SLC44A5: variants seen among roughly 807,000 people sequenced by gnomAD.
SLC44A5 encodes the protein solute carrier family 44 member 5.
A neutral mutation model predicts 101.8 loss-of-function variants in SLC44A5; 57 were observed. The ratio of observed to expected loss-of-function variants is 0.56; its 90% CI spans 0.45 to 0.70. SLC44A5 has a LOEUF of 0.70. SLC44A5 is among the 30% of genes least tolerant of loss of function. The pLI, the probability that SLC44A5 is intolerant of heterozygous loss-of-function variation, is 0.00. For missense variants in SLC44A5, 737 were observed against 853.1 expected (o/e 0.86, Z 1.70); for synonymous variants, 281 against 290.9 (o/e 0.97, Z 0.35).
intron 2 of SLC44A5, among the ~76,000 whole-genome samples, chr1:75,506,562 T>C (rs1378667726): frequency 1.3e-5 from 2 of 152,182 alleles, no homozygotes; most frequent in African/African-American, 2.4e-5. Flanking sequence ...GTCACCTCCA[T>C]GATTGGATGT....
chr1:75,707,071 T>A, the SLC44A5 span, among the ~76,000 whole-genome samples: 1 of 152,322 alleles, frequency 6.6e-6, no homozygotes, highest in Admixed American at 6.5e-5. Flanking sequence ...CTTTTTCACA[T>A]GATATGGTAA....
chr1:75,313,292 A>C (rs1655448187), intron 4 of SLC44A5, among the ~76,000 whole-genome samples: 1 of 152,216 alleles, frequency 6.6e-6, no homozygotes, highest in Admixed American at 6.5e-5. Context: ...TTTTTAACAC[A>C]GAGGGAAGAA....
chr1:75,424,267 GTT>G (rs1386760498), intron 2 of SLC44A5, among the ~76,000 whole-genome samples: 2 of 152,146 alleles, frequency 1.3e-5, no homozygotes, highest in Non-Finnish European at 2.9e-5. Context: ...TCCTCTCCAA[GTT>G]TTTAAAGTTT....
intron 20 of SLC44A5, 48 bp from the exon 21 acceptor site, chr1:75,214,037 T>C (rs748306329): frequency 1.7e-6 from 2 of 1,207,248 alleles, no homozygotes; most frequent in Admixed American, 2.2e-5. Flanking sequence ...TAAAATATAC[T>C]TGGTACTTGA....
intron 3 of SLC44A5, among the ~76,000 whole-genome samples, chr1:75,366,039 A>G (rs1313300311): frequency 6.6e-6 from 1 of 152,188 alleles, no homozygotes; most frequent in Non-Finnish European, 1.5e-5. Context: ...CTAATACCTT[A>G]GTCTTTTTTC....
intron 1 of SLC44A5, among the ~76,000 whole-genome samples, chr1:75,572,330 G>C (rs1045334575): frequency 6.6e-6 from 1 of 152,144 alleles, no homozygotes; most frequent in African/African-American, 2.4e-5. Context: ...AATGGATTCA[G>C]AACTATGAAA....
intron 4 of SLC44A5, among the ~76,000 whole-genome samples, chr1:75,327,192 A>G (rs1330256811): frequency 2.6e-5 from 4 of 152,148 alleles, no homozygotes; most frequent in Non-Finnish European, 4.4e-5. Context: ...CTTTGCCAAC[A>G]TGAAGAAATT....
intron 1 of SLC44A5, among the ~76,000 whole-genome samples, chr1:75,542,625 T>C (rs1161398298): frequency 6.6e-6 from 1 of 152,114 alleles, no homozygotes; most frequent in Admixed American, 6.6e-5. Flanking sequence ...ATGCTTACAG[T>C]TTTTATTTCA....
chr1:75,714,979 C>T, the SLC44A5 span, among the ~76,000 whole-genome samples: 4 of 152,156 alleles, frequency 2.6e-5, no homozygotes, highest in East Asian at 5.8e-4. Flanking sequence ...CAGCAAAAAT[C>T]AGCAGCATTT....
intron 2 of SLC44A5, among the ~76,000 whole-genome samples, chr1:75,528,787 A>C (rs1312249814): frequency 1.3e-5 from 2 of 152,126 alleles, no homozygotes; most frequent in African/African-American, 4.8e-5. Flanking sequence ...CTTTCTTCCC[A>C]AAAGCTGTAT....
chr1:75,467,463 G>A (rs1666885511), intron 2 of SLC44A5, among the ~76,000 whole-genome samples: 1 of 152,136 alleles, frequency 6.6e-6, no homozygotes, highest in Admixed American at 6.5e-5. Context: ...AAAACAGCTT[G>A]ATAGTGACAT....
intron 3 of SLC44A5, among the ~76,000 whole-genome samples, chr1:75,346,680 A>C (rs1007519740): frequency 1.3e-5 from 2 of 152,168 alleles, no homozygotes; most frequent in Non-Finnish European, 2.9e-5. Context: ...GCAAACAAGA[A>C]CATGAATTGA....
intron 4 of SLC44A5, among the ~76,000 whole-genome samples, chr1:75,312,283 G>T (rs747273293): frequency 3.3e-5 from 5 of 152,038 alleles, no homozygotes; most frequent in Admixed American, 6.6e-5. Flanking sequence ...CCCAGTCTCG[G>T]GTATGTCTTT....
chr1:75,444,480 A>AGAG (rs1557790185), intron 2 of SLC44A5, among the ~76,000 whole-genome samples: 2 of 129,112 alleles, frequency 1.5e-5, no homozygotes, highest in African/African-American at 5.8e-5. Context: ...AAAGAGAAAG[A>AGAG]AAGAAGAAAG....
the SLC44A5 span, among the ~76,000 whole-genome samples, chr1:75,671,011 G>C: frequency 1.3e-5 from 2 of 152,222 alleles, no homozygotes; most frequent in African/African-American, 4.8e-5. Flanking sequence ...ACATAGGGAA[G>C]CACCAAGGTC....
chr1:75,527,383 T>A (rs774055346), intron 2 of SLC44A5, among the ~76,000 whole-genome samples: 5 of 150,074 alleles, frequency 3.3e-5, no homozygotes, highest in Non-Finnish European at 7.4e-5. Context: ...CTTCTACATA[T>A]CCTCCTGTAT....
At chr1:75,205,797 A>G (rs2100421917) in intron 23 of SLC44A5, 1 of 152,328 alleles carries the variant, frequency 6.6e-6, no homozygotes, top group South Asian at 2.1e-4. Flanking sequence ...CTTCTGAAAC[A>G]AATTCATATT....
intron 2 of SLC44A5, among the ~76,000 whole-genome samples, chr1:75,419,488 G>C (rs1663870316): frequency 6.6e-6 from 1 of 151,208 alleles, no homozygotes; most frequent in South Asian, 2.1e-4. Flanking sequence ...AAAAAGGACT[G>C]TTCGTGTGAA....
At chr1:75,386,851 C>T (rs553646705) in intron 3 of SLC44A5, among the ~76,000 whole-genome samples, 14 of 152,066 alleles carry the variant, frequency 9.2e-5, no homozygotes, top group African/African-American at 3.4e-4. Context: ...GGTACTGGTA[C>T]CAAAACAGAG....
Sources: gnomAD v4.1 joint callset for allele counts (sites outside exome capture counted in the v4.1 genomes callset) on GRCh38, gnomAD v4.1.1 for gene constraint, MANE v1.5 for transcripts, NCBI Gene and HGNC (gene_info 2026-07-23, HGNC 2026-07-21) for gene names.